The following DYNC1I1 variants were observed in gnomAD, a reference collection of about 807,000 sequenced individuals.
DYNC1I1 encodes the protein dynein cytoplasmic 1 intermediate chain 1, also known as cytoplasmic dynein 1 intermediate chain 1.
A neutral mutation model predicts 86.6 loss-of-function variants in DYNC1I1; 43 were observed. That is an observed-to-expected ratio of 0.50 (90% CI 0.39 to 0.64). The LOEUF (loss-of-function observed/expected upper bound fraction) is 0.64. DYNC1I1 is among the 30% of genes least tolerant of loss of function. The pLI, the probability that DYNC1I1 is intolerant of heterozygous loss-of-function variation, is 0.00. For synonymous variants in DYNC1I1, 262 were observed against 283.7 expected (o/e 0.92, Z 0.77); for missense variants, 604 against 788.8 (o/e 0.77, Z 2.81).
At chr7:95,820,787 A>C (rs924275267) in intron 4 of DYNC1I1, among the ~76,000 whole-genome samples, 1 of 152,262 alleles carries the variant, frequency 6.6e-6, no homozygotes. Flanking sequence ...TATGTTACCC[A>C]GGCTGGTCTT....
intron 14 of DYNC1I1, among the ~76,000 whole-genome samples, chr7:96,041,081 A>G (rs1789033207): frequency 6.6e-6 from 1 of 152,176 alleles, no homozygotes; most frequent in Non-Finnish European, 1.5e-5. Context: ...AATACTTAGG[A>G]AATAAATAGA....
chr7:95,865,354 G>A (rs1789989651), intron 5 of DYNC1I1, among the ~76,000 whole-genome samples: 1 of 152,050 alleles, frequency 6.6e-6, no homozygotes. Context: ...TGTCAACCAG[G>A]ACATACATAA....
At chr7:96,069,464 G>A (rs1211439129) in intron 14 of DYNC1I1, among the ~76,000 whole-genome samples, 2 of 152,218 alleles carry the variant, frequency 1.3e-5, no homozygotes, top group African/African-American at 4.8e-5. Flanking sequence ...CAGAATGTCA[G>A]TGGAGCCATA....
chr7:95,854,228 T>C (rs1310576482), intron 5 of DYNC1I1, among the ~76,000 whole-genome samples: 1 of 152,188 alleles, frequency 6.6e-6, no homozygotes, highest in Non-Finnish European at 1.5e-5. Flanking sequence ...TCTTCCTGTC[T>C]TGCTGTGTTC....
At chr7:95,860,705 A>G (rs1224110238) in intron 5 of DYNC1I1, among the ~76,000 whole-genome samples, 2 of 152,190 alleles carry the variant, frequency 1.3e-5, no homozygotes, top group South Asian at 2.1e-4. Context: ...AAGATTAGGA[A>G]GTCCAAGAAC....
intron 5 of DYNC1I1, among the ~76,000 whole-genome samples, chr7:95,831,890 T>C (rs1562911765): frequency 6.6e-6 from 1 of 152,116 alleles, no homozygotes; most frequent in Non-Finnish European, 1.5e-5. Context: ...ATTTTGGATA[T>C]TAACCCCTTA....
At chr7:96,076,313 A>G in intron 15 of DYNC1I1, 116 bp downstream of exon 15, 1 of 1,427,792 alleles carries the variant, frequency 7.0e-7, no homozygotes, top group Non-Finnish European at 9.3e-7. Flanking sequence ...TTCCAACTGC[A>G]GCAGGGCTGC....
chr7:95,793,062 A>G (rs555076071), intron 1 of DYNC1I1, among the ~76,000 whole-genome samples: 1 of 152,196 alleles, frequency 6.6e-6, no homozygotes, highest in Non-Finnish European at 1.5e-5. Flanking sequence ...TGGGTACACT[A>G]CCATCAGATT....
At chr7:95,997,312 C>T (rs766159985) in intron 10 of DYNC1I1, among the ~76,000 whole-genome samples, 1 of 151,562 alleles carries the variant, frequency 6.6e-6, no homozygotes, top group Non-Finnish European at 1.5e-5. Flanking sequence ...CAAGGTTTGC[C>T]GAATTCCCAG....
At chr7:95,914,158 C>A (rs1791410032) in intron 6 of DYNC1I1, among the ~76,000 whole-genome samples, 2 of 152,216 alleles carry the variant, frequency 1.3e-5, no homozygotes, top group Non-Finnish European at 2.9e-5. Flanking sequence ...CAATTCAAAG[C>A]ACATTTCATC....
chr7:96,034,825 A>G (rs974786085), intron 12 of DYNC1I1, among the ~76,000 whole-genome samples: 8 of 152,200 alleles, frequency 5.3e-5, no homozygotes, highest in African/African-American at 1.7e-4. Flanking sequence ...CTCTCAAGCA[A>G]CTATAATGAT....
At chr7:96,031,175 A>G (rs1228003067) in intron 11 of DYNC1I1, among the ~76,000 whole-genome samples, 2 of 152,202 alleles carry the variant, frequency 1.3e-5, no homozygotes, top group African/African-American at 2.4e-5. Context: ...GCTGGTCAGA[A>G]TATAGGTAGA....
intron 14 of DYNC1I1, among the ~76,000 whole-genome samples, chr7:96,054,338 A>G (rs1789506317): frequency 6.6e-6 from 1 of 152,238 alleles, no homozygotes; most frequent in Non-Finnish European, 1.5e-5. Flanking sequence ...ATGGCTGCAT[A>G]GTATTCCATG....
intron 7 of DYNC1I1, among the ~76,000 whole-genome samples, chr7:95,982,052 C>G (rs769451325): frequency 5.3e-5 from 8 of 151,990 alleles, no homozygotes; most frequent in Non-Finnish European, 8.8e-5. Context: ...CTGAATACAC[C>G]TTTTGGTTGT....
At chr7:96,018,728 A>G (rs139316769) in intron 10 of DYNC1I1, among the ~76,000 whole-genome samples, 1,997 of 152,332 alleles carry the variant, frequency 0.013, 59 homozygotes, top group African/African-American at 0.045. Flanking sequence ...GTAAAAACTA[A>G]CAAATAACCT....
chr7:95,926,929 T>C lies in DYNC1I1; in HGVS notation c.491-50583T>C, dbSNP rs779947587. On this transcript the variant is annotated intron_variant, in intron 6 of 16. Coordinates refer to ENST00000447467, the MANE Select transcript of DYNC1I1 (RefSeq NM_001135556.2). ...TTAGCAGATAGATACAGAGTGTGTG[T>C]TCAAACTAGTTTTTTCATTTGTTAA... Among the ~76,000 whole-genome samples, 6 of 152,294 alleles carry C rather than the reference T, an allele frequency of 3.9e-5. No homozygotes were observed. In the South Asian group the frequency reaches 6.2e-4, roughly 16 times the overall value.
rs558350825 is a variant in DYNC1I1, at chr7:95,937,638, A to G, written c.491-39874A>G. Among the ~76,000 whole-genome samples the G allele has an allele frequency of 7.2e-5, 11 of 152,106 alleles. No homozygotes were observed. The South Asian group carries it at 2.3e-3, about 31-fold the overall frequency. ...TAATAATGGTATTATGATTGGTAGG[A>G]GAATGTGCTTGAGTTATGAGATGTT... is the stretch of plus-strand genomic sequence containing the variant. On this transcript the variant is annotated intron_variant, in intron 6 of 16. Transcript: ENST00000447467.
At position 96,097,817 on chromosome 7, in the gene DYNC1I1, A is replaced by T; in HGVS notation, c.*224A>T. Reference sequence around the variant, plus strand: ...TTTCTATCTTTATATTTCTGTCTCAAAAATGAAGAGAAGGGGGTTATGGGT... The same window carrying T: ...TTTCTATCTTTATATTTCTGTCTCATAAATGAAGAGAAGGGGGTTATGGGT... On this transcript the variant is annotated 3_prime_UTR_variant, in exon 17 of 17. Coordinates refer to ENST00000447467, the MANE Select transcript of DYNC1I1 (RefSeq NM_001135556.2). 7.9e-7 allele frequency: 1 copy of T among 1,268,088 alleles called. No homozygotes were observed. Among genetic ancestry groups the T allele is most frequent in the East Asian group, 3.2e-5 (1 of 31,396 alleles). 78.6% of individuals were successfully genotyped at this position (1,268,088 alleles called of 1,614,324 possible). A position where few individuals can be genotyped will look rare whatever the true frequency, so the allele number is the denominator to read the frequency against.
chr7:95,962,828 G>A (rs1792907199), intron 6 of DYNC1I1, among the ~76,000 whole-genome samples: 2 of 152,118 alleles, frequency 1.3e-5, no homozygotes, highest in Non-Finnish European at 2.9e-5. Flanking sequence ...TACAAAATGT[G>A]TGATGGGAAA....
Sources: gnomAD v4.1 joint callset for allele counts (sites outside exome capture counted in the v4.1 genomes callset) on GRCh38, gnomAD v4.1.1 for gene constraint, MANE v1.5 for transcripts, NCBI Gene and HGNC (gene_info 2026-07-23, HGNC 2026-07-21) for gene names.